The following THSD4 variants were observed in gnomAD, a reference collection of about 807,000 sequenced individuals.
THSD4 encodes thrombospondin type 1 domain containing 4, also known as thrombospondin type-1 domain-containing protein 4.
Under a neutral mutation model 119.0 loss-of-function variants are expected in THSD4, and 69 were observed. The observed-to-expected ratio is 0.58, with a 90% CI of 0.48 to 0.71. The LOEUF is 0.71. Ranked by LOEUF, THSD4 falls within the 30% of genes least tolerant of loss-of-function variation. THSD4 has a pLI of 0.00. For missense variants in THSD4, 1,393 were observed against 1,391.1 expected (o/e 1.00, Z -0.02); for synonymous variants, 524 against 540.4 (o/e 0.97, Z 0.42).
intron 6 of THSD4, among the ~76,000 whole-genome samples, chr15:71,293,292 T>C (rs2044818780): frequency 6.6e-6 from 1 of 152,160 alleles, no homozygotes; most frequent in African/African-American, 2.4e-5. Flanking sequence ...GGTTTTCCTC[T>C]CAGGTGGTTG....
At chr15:71,281,551 A>G (rs984099204) in intron 6 of THSD4, among the ~76,000 whole-genome samples, 3 of 152,244 alleles carry the variant, frequency 2.0e-5, no homozygotes. Flanking sequence ...TTATTGAATG[A>G]CTATTCAGGT....
Position 71,532,283 on chromosome 15 carries a change from A to AGAGAGAGAGAGAGAGTGTGTGT in THSD4, c.1152+120461_1152+120462insAGAGAGAGAGAGAGTGTGTGTG, listed in dbSNP as rs1379506089. On this transcript the variant is annotated intron_variant, in intron 7 of 17. Transcript: ENST00000261862. ...AAGGGTGAGAGAGAGAGAGAGAGAG[A>AGAGAGAGAGAGAGAGTGTGTGT]GTGTGTGTGTGTGTGTGTGTGTGTG... is the stretch of plus-strand genomic sequence containing the variant. Among the ~76,000 whole-genome samples, 285 of 101,608 alleles carry AGAGAGAGAGAGAGAGTGTGTGT rather than the reference A, an allele frequency of 2.8e-3. 1 individual carries two copies. The highest frequency in any genetic ancestry group is 0.011 in the Middle Eastern group (2 of 184). The allele number at this position is 101,608 out of a possible 152,430, so 66.7% of individuals were successfully genotyped here.
intron 7 of THSD4, among the ~76,000 whole-genome samples, chr15:71,602,280 G>A (rs552244982): frequency 6.6e-5 from 10 of 151,952 alleles, no homozygotes; most frequent in Non-Finnish European, 1.5e-4. Flanking sequence ...TCGGCCAGGC[G>A]CAGTGGCTCA....
At chr15:71,105,262 T>C (rs2040269744) in intron 1 of THSD4, among the ~76,000 whole-genome samples, 1 of 152,166 alleles carries the variant, frequency 6.6e-6, no homozygotes, top group Admixed American at 6.5e-5. Flanking sequence ...TTCTCAGCAA[T>C]ACTTTGCTGG....
intron 7 of THSD4, among the ~76,000 whole-genome samples, chr15:71,546,118 T>C (rs1275814379): frequency 6.6e-6 from 1 of 152,102 alleles, no homozygotes; most frequent in Non-Finnish European, 1.5e-5. Flanking sequence ...TAGGATGGCA[T>C]TTCCCTATTT....
intron 8 of THSD4, among the ~76,000 whole-genome samples, chr15:71,672,606 A>C (rs531874062): frequency 6.6e-5 from 10 of 152,194 alleles, no homozygotes; most frequent in African/African-American, 1.7e-4. Context: ...CCCATTCAGT[A>C]TGATATTGGC....
chr15:71,485,697 G>A lies in THSD4; in HGVS notation c.1152+73874G>A, dbSNP rs942970530. ...CCACAGCTCTTAAGAAAAAAAAAAA[G>A]AGAGAGAATAAAACTGTTTCCTACA... On this transcript the variant is annotated intron_variant, in intron 7 of 17. Transcript: ENST00000261862. Among the ~76,000 whole-genome samples, 6 of 151,188 alleles carry A rather than the reference G, an allele frequency of 4.0e-5. No homozygotes were observed. In the South Asian group the frequency reaches 6.4e-4, roughly 16 times the overall value.
intron 7 of THSD4, among the ~76,000 whole-genome samples, chr15:71,479,817 A>C (rs1555418377): frequency 6.6e-6 from 1 of 152,176 alleles, no homozygotes; most frequent in Non-Finnish European, 1.5e-5. Flanking sequence ...TTTCATTTGC[A>C]CTTAAAACTG....
At chr15:71,463,782 C>A (rs906882474) in intron 7 of THSD4, among the ~76,000 whole-genome samples, 2 of 152,208 alleles carry the variant, frequency 1.3e-5, no homozygotes, top group African/African-American at 4.8e-5. Flanking sequence ...AACTCCTCCT[C>A]AGCTGTCTCT....
chr15:71,652,044 T>C (rs573315245), intron 7 of THSD4, among the ~76,000 whole-genome samples: 66 of 152,228 alleles, frequency 4.3e-4, no homozygotes, highest in Non-Finnish European at 8.4e-4. Context: ...CAGGAGGCCC[T>C]GTAAATCAGG....
intron 16 of THSD4, among the ~76,000 whole-genome samples, chr15:71,765,790 C>CTCTGTGTGTG (rs112237737): frequency 1.4e-5 from 2 of 146,222 alleles, no homozygotes; most frequent in Non-Finnish European, 3.0e-5. Flanking sequence ...CACACACTCT[C>CTCTGTGTGTG]TGTGTGTGTG....
intron 6 of THSD4, among the ~76,000 whole-genome samples, chr15:71,343,391 TGTA>T (rs1235359294): frequency 6.6e-6 from 1 of 152,212 alleles, no homozygotes; most frequent in Non-Finnish European, 1.5e-5. Context: ...GACAGATGAC[TGTA>T]AAGTTAGTGG....
intron 6 of THSD4, among the ~76,000 whole-genome samples, chr15:71,262,162 C>G (rs2044408082): frequency 6.6e-6 from 1 of 152,166 alleles, no homozygotes; most frequent in African/African-American, 2.4e-5. Context: ...GCGGAGTATA[C>G]TCTCTGATAA....
chr15:71,328,384 G>A (rs922700100), intron 6 of THSD4, among the ~76,000 whole-genome samples: 4 of 152,172 alleles, frequency 2.6e-5, no homozygotes, highest in Non-Finnish European at 4.4e-5. Context: ...TTTGCTGGTG[G>A]CTTTGCCCTC....
In THSD4 at chr15:71,115,962, C is replaced by G. The variant is rs1055818228; in HGVS notation, c.-80+264C>G. On this transcript the variant is annotated intron_variant, in intron 1 of 17. Transcript: ENST00000261862. The surrounding 1 kb of genome is among the most constrained non-coding windows in gnomAD (Gnocchi z 4.4). ...CTTGCTCTGTGCTGGCGCCGGCGCT[C>G]ATCCCTCCACCCTCGACTCTAGGGA... 6.6e-6 allele frequency among the ~76,000 whole-genome samples: 1 copy of G among 152,190 alleles called. No homozygotes were observed. The highest frequency in any genetic ancestry group is 1.5e-5 in the Non-Finnish European group (1 of 68,020).
intron 7 of THSD4, among the ~76,000 whole-genome samples, chr15:71,601,289 G>C (rs997332905): frequency 1.3e-5 from 2 of 152,142 alleles, no homozygotes; most frequent in African/African-American, 4.8e-5. Flanking sequence ...GATTGGCTGG[G>C]GGTAGTGGGG....
chr15:71,493,217 G>A (rs1258754593), intron 7 of THSD4, among the ~76,000 whole-genome samples: 1 of 152,220 alleles, frequency 6.6e-6, no homozygotes, highest in African/African-American at 2.4e-5. Context: ...ATGTGAGAAT[G>A]GCGGATTTTT....
intron 6 of THSD4, among the ~76,000 whole-genome samples, chr15:71,402,638 C>G (rs935867965): frequency 2.4e-4 from 37 of 152,128 alleles, no homozygotes; most frequent in African/African-American, 7.7e-4. Flanking sequence ...GGCCTTTGTA[C>G]CAGAGGACCA....
intron 7 of THSD4, among the ~76,000 whole-genome samples, chr15:71,575,532 G>T (rs1457545155): frequency 6.6e-6 from 1 of 152,104 alleles, no homozygotes; most frequent in Admixed American, 6.6e-5. Flanking sequence ...AAATGCACTG[G>T]AAATCGGGAC....
Sources: allele counts gnomAD v4.1 joint callset (sites outside exome capture counted in the v4.1 genomes callset), GRCh38; gene constraint gnomAD v4.1.1; non-coding constraint Gnocchi (gnomAD v3.1); transcripts MANE v1.5; gene names NCBI Gene and HGNC (gene_info 2026-07-23, HGNC 2026-07-21).